The following DOCK2 variants were observed in gnomAD, a reference collection of about 807,000 sequenced individuals.
The protein encoded by DOCK2 is dedicator of cytokinesis 2, also known as dedicator of cytokinesis protein 2.
A neutral mutation model predicts 248.9 loss-of-function variants in DOCK2; 87 were observed. The ratio of observed to expected loss-of-function variants is 0.35; its 90% CI spans 0.29 to 0.42. DOCK2 has a LOEUF of 0.42. Among genes scored for constraint, DOCK2 ranks in the 10% least tolerant of loss-of-function variants. The pLI is 1.00. For synonymous variants in DOCK2, 805 were observed against 821.6 expected (o/e 0.98, Z 0.35); for missense variants, 1,747 against 2,300.2 (o/e 0.76, Z 4.92).
At chr5:169,726,876 G>C (rs1762499796) in intron 22 of DOCK2, among the ~76,000 whole-genome samples, 1 of 152,160 alleles carries the variant, frequency 6.6e-6, no homozygotes, top group South Asian at 2.1e-4. Flanking sequence ...GGGAGGATCA[G>C]TAATTCTTCT....
chr5:169,995,487 C>A (rs35059420), intron 29 of DOCK2, among the ~76,000 whole-genome samples: 11,985 of 152,248 alleles, frequency 0.079, 645 homozygotes, highest in African/African-American at 0.15. Context: ...ATGGATTAAA[C>A]TGTGATACAT....
intron 27 of DOCK2, among the ~76,000 whole-genome samples, chr5:169,967,161 T>A (rs907304006): frequency 2.0e-5 from 3 of 152,158 alleles, no homozygotes; most frequent in Admixed American, 2.0e-4. Flanking sequence ...TAAAGTGGGT[T>A]CCTGAAAACT....
At chr5:169,958,887 C>T (rs535763008) in intron 27 of DOCK2, among the ~76,000 whole-genome samples, 26 of 152,094 alleles carry the variant, frequency 1.7e-4, no homozygotes, top group African/African-American at 1.9e-4. Flanking sequence ...AAACCTAGTA[C>T]GCTTTGTGTC....
intron 29 of DOCK2, among the ~76,000 whole-genome samples, chr5:169,991,954 C>A (rs1778220625): frequency 6.6e-6 from 1 of 152,156 alleles, no homozygotes; most frequent in African/African-American, 2.4e-5. Context: ...TAGCACAGGC[C>A]ATATGAATTA....
intron 27 of DOCK2, among the ~76,000 whole-genome samples, chr5:169,880,257 G>C (rs261075): frequency 1.3e-5 from 2 of 152,198 alleles, no homozygotes; most frequent in Non-Finnish European, 2.9e-5. Context: ...TCTTTGTAAG[G>C]AGCTGATGGG....
At chr5:169,706,749 T>G (rs1408529911) in intron 14 of DOCK2, among the ~76,000 whole-genome samples, 1 of 152,230 alleles carries the variant, frequency 6.6e-6, no homozygotes, top group Non-Finnish European at 1.5e-5. Context: ...TGCTGTGTAT[T>G]CTGTTTTCAA....
Position 169,684,329 on chromosome 5 carries a change from C to G in DOCK2, c.740C>G (p.Pro247Arg). 1 of 1,614,118 alleles carries G rather than the reference C, an allele frequency of 6.2e-7. No individual in the cohort carries two copies. The highest frequency in any genetic ancestry group is 8.5e-7 in the Non-Finnish European group (1 of 1,179,982). Reference sequence around the variant, plus strand: ...GAGCTCTTCATGTCTCTCTACGACCCCAACAAGCAAACGGTCATAAGGTAG... The same window carrying G: ...GAGCTCTTCATGTCTCTCTACGACCGCAACAAGCAAACGGTCATAAGGTAG... Reference protein sequence around the residue: ...DAELFMSLYDPNKQTVISENY... With the variant: ...DAELFMSLYDRNKQTVISENY... The change falls in exon 8 of 52, where the codon CCC (proline) becomes CGC (arginine). Residue 247 changes from proline (P) to arginine (R), a missense_variant. Physicochemically the swap from Pro to Arg is moderately radical, Grantham distance 103. Transcript: ENST00000520908.
chr5:170,013,564 G>T (rs1378894365), intron 32 of DOCK2, among the ~76,000 whole-genome samples: 1 of 151,920 alleles, frequency 6.6e-6, no homozygotes, highest in Non-Finnish European at 1.5e-5. Context: ...CATGAACCAA[G>T]GAATGCAGGG....
chr5:169,727,770 G>T (rs897430853), intron 22 of DOCK2, among the ~76,000 whole-genome samples: 2 of 152,094 alleles, frequency 1.3e-5, no homozygotes, highest in Admixed American at 1.3e-4. Flanking sequence ...ATTGAGTTTT[G>T]TGCTTAAAAT....
chr5:169,774,323 C>T (rs759992531), intron 25 of DOCK2, among the ~76,000 whole-genome samples: 9 of 152,148 alleles, frequency 5.9e-5, no homozygotes, highest in Non-Finnish European at 8.8e-5. Context: ...TGATTTTGTG[C>T]CAGGCCCCAA....
intron 25 of DOCK2, among the ~76,000 whole-genome samples, chr5:169,792,971 T>C (rs1420441146): frequency 2.0e-5 from 3 of 152,142 alleles, no homozygotes; most frequent in African/African-American, 4.8e-5. Context: ...GCAAGTGCAG[T>C]GGGGTAACTA....
At chr5:169,824,377 A>G (rs1443362653) in intron 26 of DOCK2, among the ~76,000 whole-genome samples, 3 of 152,246 alleles carry the variant, frequency 2.0e-5, no homozygotes, top group Admixed American at 1.3e-4. Context: ...AAACTATACT[A>G]CAAGGCTACA....
At chr5:169,701,234 T>C (rs549069883) in intron 13 of DOCK2, among the ~76,000 whole-genome samples, 2 of 152,364 alleles carry the variant, frequency 1.3e-5, no homozygotes, top group African/African-American at 4.8e-5. Flanking sequence ...ATTGCCCGAT[T>C]CTAGAATTGC....
At chr5:169,849,518 T>C (rs1416456622) in intron 27 of DOCK2, among the ~76,000 whole-genome samples, 2 of 152,242 alleles carry the variant, frequency 1.3e-5, no homozygotes, top group Non-Finnish European at 2.9e-5. Context: ...TGGAATCTAA[T>C]GAGATCACCT....
At position 169,984,572 on chromosome 5, in the gene DOCK2, G is replaced by A. The variant is rs184834612; in HGVS notation, c.2899-1256G>A. 2.9e-3 allele frequency among the ~76,000 whole-genome samples: 443 copies of A among 152,312 alleles called. 5 individuals are homozygous for A. Among genetic ancestry groups the A allele is most frequent in the Non-Finnish European group, 1.1e-3 (72 of 68,018 alleles). On this transcript the variant is annotated intron_variant, in intron 28 of 51. Coordinates refer to ENST00000520908, the MANE Select transcript of DOCK2 (RefSeq NM_004946.3). ...TGGAAAGGAACAAATGTCATTTCCA[G>A]AATTTTGCAACTTAGCTAAAAGCAG...
chr5:169,770,257 C>CT (rs1765011175), intron 25 of DOCK2, among the ~76,000 whole-genome samples: 1 of 151,012 alleles, frequency 6.6e-6, no homozygotes, highest in African/African-American at 2.4e-5. Flanking sequence ...ACATGACTGC[C>CT]TTTCCCCACC....
At chr5:169,944,403 G>A (rs993748750) in intron 27 of DOCK2, among the ~76,000 whole-genome samples, 2 of 152,336 alleles carry the variant, frequency 1.3e-5, no homozygotes, top group East Asian at 1.9e-4. Context: ...CGTGGCAGCC[G>A]TGGCCTTCTC....
At chr5:170,010,703 G>C (rs748641925) in intron 32 of DOCK2, among the ~76,000 whole-genome samples, 5 of 152,222 alleles carry the variant, frequency 3.3e-5, no homozygotes, top group Non-Finnish European at 7.3e-5. Flanking sequence ...CTCAACACAT[G>C]ATGGACCCAG....
intron 17 of DOCK2, 125 bp from the exon 18 acceptor site, chr5:169,713,903 C>A: frequency 9.2e-7 from 1 of 1,081,806 alleles, no homozygotes. Flanking sequence ...TATTGCTTCT[C>A]TGATGATTTT....
Sources: allele counts gnomAD v4.1 joint callset (sites outside exome capture counted in the v4.1 genomes callset), GRCh38; gene constraint gnomAD v4.1.1; transcripts MANE v1.5; gene names NCBI Gene and HGNC (gene_info 2026-07-23, HGNC 2026-07-21).